Variants in DPP6 observed in about 807,000 individuals in gnomAD.
The protein encoded by DPP6 is A-type potassium channel modulatory protein DPP6.
A neutral mutation model predicts 122.6 loss-of-function variants in DPP6; 69 were observed. The ratio of observed to expected loss-of-function variants is 0.56; its 90% CI spans 0.46 to 0.69. The LOEUF (loss-of-function observed/expected upper bound fraction) is 0.69. Among genes scored for constraint, DPP6 ranks in the 30% least tolerant of loss-of-function variants. The pLI, the probability that DPP6 is intolerant of heterozygous loss-of-function variation, is 0.00. For missense variants in DPP6, 928 were observed against 1,116.9 expected (o/e 0.83, Z 2.41); for synonymous variants, 418 against 433.1 (o/e 0.97, Z 0.43).
intron 7 of DPP6, among the ~76,000 whole-genome samples, chr7:154,708,563 T>A (rs1840963621): frequency 6.6e-6 from 1 of 152,230 alleles, no homozygotes; most frequent in Non-Finnish European, 1.5e-5. Flanking sequence ...TGATCATGAT[T>A]CATGCTTTCC....
At chr7:154,132,076 A>T (rs1325714596) in intron 1 of DPP6, among the ~76,000 whole-genome samples, 4 of 152,144 alleles carry the variant, frequency 2.6e-5, no homozygotes, top group African/African-American at 9.7e-5. Flanking sequence ...AACCTAGGTT[A>T]AGAATATTTT....
intron 1 of DPP6, among the ~76,000 whole-genome samples, chr7:153,902,518 A>C (rs575603418): frequency 6.6e-6 from 1 of 152,206 alleles, no homozygotes; most frequent in East Asian, 1.9e-4. Context: ...AGTCTTCACA[A>C]GGATGCACTT....
the DPP6 span, among the ~76,000 whole-genome samples, chr7:153,857,322 T>TTCTCTCTCTCTC: frequency 0.084 from 10,450 of 124,218 alleles, 738 homozygotes; most frequent in Middle Eastern, 0.11. Context: ...CTCAAAGGTT[T>TTCTCTCTCTCTC]TCTCTCTCTC....
At chr7:154,326,592 A>G (rs959235540) in intron 1 of DPP6, among the ~76,000 whole-genome samples, 2 of 152,228 alleles carry the variant, frequency 1.3e-5, no homozygotes, top group African/African-American at 4.8e-5. Flanking sequence ...TTTGTCAAGA[A>G]TGCATAATTC....
chr7:154,265,510 T>C (rs184475209), intron 1 of DPP6, among the ~76,000 whole-genome samples: 30 of 152,320 alleles, frequency 2.0e-4, no homozygotes, highest in African/African-American at 7.0e-4. Context: ...CCTTACATAA[T>C]GCAGGATCAG....
the DPP6 span, among the ~76,000 whole-genome samples, chr7:153,760,338 C>T: frequency 3.3e-5 from 5 of 152,264 alleles, no homozygotes; most frequent in Middle Eastern, 3.4e-3. Context: ...TTAATGTCCA[C>T]GTCCACTAAT....
intron 1 of DPP6, among the ~76,000 whole-genome samples, chr7:153,932,452 A>C (rs549626686): frequency 6.6e-6 from 1 of 152,080 alleles, no homozygotes; most frequent in Non-Finnish European, 1.5e-5. Flanking sequence ...ACTATAAGCC[A>C]CTAGCATCCA....
At chr7:154,753,138 T>C (rs1843481294) in intron 8 of DPP6, among the ~76,000 whole-genome samples, 1 of 152,202 alleles carries the variant, frequency 6.6e-6, no homozygotes, top group Non-Finnish European at 1.5e-5. Context: ...CCTGCGGTCC[T>C]GCCCAGGCTA....
chr7:154,618,010 C>T lies in DPP6; in HGVS notation c.628-19811C>T, dbSNP rs528579052. Among the ~76,000 whole-genome samples, 23 of 152,244 alleles carry T rather than the reference C, an allele frequency of 1.5e-4. No individual in the cohort carries two copies. Among genetic ancestry groups the T allele is most frequent in the South Asian group, 2.1e-4 (1 of 4,818 alleles). On this transcript the variant is annotated intron_variant, in intron 5 of 25. Coordinates refer to ENST00000377770, the MANE Select transcript of DPP6 (RefSeq NM_130797.4). This position sits in a 1 kb window ranked among gnomAD's most constrained non-coding sequence, Gnocchi z 4.1. ...AGGGGCTGCAGACCCGGGACTCAAA[C>T]GATGTGCAAAGGCCTCAGTTTCTCT...
At chr7:153,877,980 A>G in the DPP6 span, among the ~76,000 whole-genome samples, 3 of 152,238 alleles carry the variant, frequency 2.0e-5, no homozygotes, top group African/African-American at 7.2e-5. Context: ...GTCACAAAAG[A>G]AAATATCCAA....
At chr7:154,785,966 A>C (rs937611363) in intron 10 of DPP6, among the ~76,000 whole-genome samples, 2 of 151,896 alleles carry the variant, frequency 1.3e-5, no homozygotes. Context: ...CTTTTCCCCA[A>C]GTCTGTCTCT....
chr7:153,995,941 A>C (rs1797411937), intron 1 of DPP6, among the ~76,000 whole-genome samples: 1 of 152,202 alleles, frequency 6.6e-6, no homozygotes, highest in Non-Finnish European at 1.5e-5. Flanking sequence ...TATTTATGTT[A>C]TACTATAAGG....
chr7:154,771,557 G>A (rs1796251653), intron 9 of DPP6, among the ~76,000 whole-genome samples: 1 of 152,168 alleles, frequency 6.6e-6, no homozygotes, highest in South Asian at 2.1e-4. Flanking sequence ...TGGGGGTTAG[G>A]GCTGCACCGT....
the DPP6 span, among the ~76,000 whole-genome samples, chr7:153,824,873 C>G: frequency 6.6e-6 from 1 of 152,036 alleles, no homozygotes; most frequent in East Asian, 1.9e-4. Context: ...TCCCTGAATT[C>G]TAAGGACTAG....
At chr7:153,884,556 C>T (rs1798841042), upstream of DPP6, among the ~76,000 whole-genome samples, 1 of 152,164 alleles carries the variant, frequency 6.6e-6, no homozygotes, top group African/African-American at 2.4e-5. Context: ...ATAAATCATG[C>T]TGCTATAAAG....
intron 1 of DPP6, among the ~76,000 whole-genome samples, chr7:154,378,850 AAG>A (rs1313099949): frequency 3.3e-5 from 5 of 152,294 alleles, no homozygotes; most frequent in Non-Finnish European, 2.9e-5. Context: ...GGAGGCAGGA[AAG>A]AGAGCGAGTG....
chr7:154,335,113 G>A (rs1246266470), intron 1 of DPP6, among the ~76,000 whole-genome samples: 1 of 152,184 alleles, frequency 6.6e-6, no homozygotes, highest in Non-Finnish European at 1.5e-5. Context: ...AGGGAGGGGT[G>A]AGAACCACAT....
At chr7:154,619,889 T>C (rs1203873125) in intron 5 of DPP6, among the ~76,000 whole-genome samples, 1 of 152,176 alleles carries the variant, frequency 6.6e-6, no homozygotes, top group Non-Finnish European at 1.5e-5. Context: ...TGGAGCCAGG[T>C]TTGCAAACCA....
At chr7:153,888,057 A>G (rs1482906165) in intron 1 of DPP6, among the ~76,000 whole-genome samples, 1 of 152,164 alleles carries the variant, frequency 6.6e-6, no homozygotes, top group African/African-American at 2.4e-5. Context: ...CCGAGCCCCA[A>G]GCAGACCCCC....
Sources: allele counts gnomAD v4.1 joint callset (sites outside exome capture counted in the v4.1 genomes callset), GRCh38; gene constraint gnomAD v4.1.1; non-coding constraint Gnocchi (gnomAD v3.1); transcripts MANE v1.5; gene names NCBI Gene and HGNC (gene_info 2026-07-23, HGNC 2026-07-21).